The following TESC variants were observed in gnomAD, a reference collection of about 807,000 sequenced individuals.
TESC encodes calcineurin B homologous protein 3.
In TESC, 19 loss-of-function variants were observed where a neutral mutation model predicts 31.0. The observed-to-expected ratio is 0.61, with a 90% CI of 0.43 to 0.90. TESC has a LOEUF of 0.90. Among genes scored for constraint, TESC ranks in the 40% least tolerant of loss-of-function variants. TESC has a pLI of 0.00. For missense variants in TESC, 248 were observed against 303.8 expected (o/e 0.82, Z 1.36); for synonymous variants, 109 against 114.8 (o/e 0.95, Z 0.32).
intron 3 of TESC, among the ~76,000 whole-genome samples, chr12:117,055,176 C>A (rs1954702652): frequency 1.3e-5 from 2 of 152,188 alleles, no homozygotes; most frequent in Admixed American, 1.3e-4. Flanking sequence ...GAATCTCATT[C>A]CGTTGCCCAG....
intron 1 of TESC, among the ~76,000 whole-genome samples, chr12:117,096,256 T>G (rs1955393762): frequency 6.6e-6 from 1 of 152,302 alleles, no homozygotes; most frequent in East Asian, 1.9e-4. Context: ...TCAGCAGCCC[T>G]GTGGGCTCAG....
At chr12:117,040,153 A>C (rs1001779784) in intron 7 of TESC, among the ~76,000 whole-genome samples, 7 of 152,238 alleles carry the variant, frequency 4.6e-5, no homozygotes, top group Admixed American at 3.3e-4. Flanking sequence ...AGGCCTTGGG[A>C]CATTTCCGGC....
intron 2 of TESC, among the ~76,000 whole-genome samples, chr12:117,066,239 C>T (rs1356774732): frequency 9.8e-6 from 1 of 102,344 alleles, no homozygotes; most frequent in Admixed American, 9.9e-5. Flanking sequence ...CAGGGCTTCA[C>T]TCTATCGCCC....
intron 1 of TESC, among the ~76,000 whole-genome samples, chr12:117,093,349 G>T (rs1955341457): frequency 1.3e-5 from 2 of 152,262 alleles, no homozygotes; most frequent in Non-Finnish European, 2.9e-5. Flanking sequence ...AGCCACGCTT[G>T]GCTACGCCAG....
intron 2 of TESC, among the ~76,000 whole-genome samples, chr12:117,072,363 G>A (rs1004830666): frequency 3.9e-5 from 6 of 152,226 alleles, no homozygotes; most frequent in South Asian, 4.1e-4. Context: ...GATTATAGTC[G>A]TGAGTCACAG....
chr12:117,040,767 G>C (rs559378628), intron 7 of TESC, among the ~76,000 whole-genome samples: 1 of 152,276 alleles, frequency 6.6e-6, no homozygotes, highest in African/African-American at 2.4e-5. Flanking sequence ...TCACAGCCAG[G>C]CCCTGCTGCC....
Position 117,099,391 on chromosome 12 carries a change from G to A in TESC, c.-109C>T, listed in dbSNP as rs1415405235. On this transcript the variant is annotated 5_prime_UTR_variant, in exon 1 of 8. Transcript: ENST00000335209. ...GGGTCCGGCCTCGGGTCGGGACGCC[G>A]GCGAAGGCTCGGAGCCGCGGGTTCC... The A allele has an allele frequency of 6.1e-6, 7 of 1,139,852 alleles. No homozygotes were observed. Among genetic ancestry groups the A allele is most frequent in the African/African-American group, 1.6e-5 (1 of 61,250 alleles). 70.6% of individuals were successfully genotyped at this position (1,139,852 alleles called of 1,614,324 possible).
At chr12:117,046,897 C>T (rs1954575279) in intron 4 of TESC, 59 bp from the exon 5 acceptor site, 31 of 1,512,108 alleles carry the variant, frequency 2.1e-5, no homozygotes, top group Non-Finnish European at 2.8e-5. Flanking sequence ...CTGCCACCCC[C>T]TGAAATGTAC....
At chr12:117,063,345 C>T (rs73203865) in intron 2 of TESC, among the ~76,000 whole-genome samples, 3,985 of 152,238 alleles carry the variant, frequency 0.026, 80 homozygotes, top group Non-Finnish European at 0.046. Context: ...CACCCAGCCC[C>T]CAGCCCTCAG....
At chr12:117,091,866 T>C (rs1042349333) in intron 1 of TESC, among the ~76,000 whole-genome samples, 6 of 152,088 alleles carry the variant, frequency 3.9e-5, no homozygotes, top group African/African-American at 9.7e-5. Context: ...GGTTGTGGGG[T>C]AACAGCATGG....
chr12:117,094,116 C>T (rs941740629), intron 1 of TESC, among the ~76,000 whole-genome samples: 1 of 152,202 alleles, frequency 6.6e-6, no homozygotes, highest in Non-Finnish European at 1.5e-5. Context: ...CTCAATCACA[C>T]CCCCGGGACG....
intron 1 of TESC, among the ~76,000 whole-genome samples, chr12:117,098,944 G>A (rs1460501995): frequency 1.3e-5 from 2 of 152,086 alleles, no homozygotes; most frequent in Non-Finnish European, 2.9e-5. Context: ...CGCTTGGGAA[G>A]CCTGGGCCCC....
intron 1 of TESC, among the ~76,000 whole-genome samples, chr12:117,084,563 C>A (rs557383248): frequency 2.6e-5 from 4 of 152,208 alleles, no homozygotes; most frequent in Non-Finnish European, 5.9e-5. Context: ...GCTGTGGGGA[C>A]CTGCTTGCAG....
At chr12:117,057,814 G>A (rs1954746927) in intron 2 of TESC, among the ~76,000 whole-genome samples, 1 of 152,170 alleles carries the variant, frequency 6.6e-6, no homozygotes, top group South Asian at 2.1e-4. Context: ...CGCCCAGGCT[G>A]GAGTGCAGTG....
intron 1 of TESC, among the ~76,000 whole-genome samples, chr12:117,080,445 G>A (rs1027503197): frequency 6.6e-6 from 1 of 152,104 alleles, no homozygotes. Flanking sequence ...TCCAGCCTGG[G>A]TGATGGAAAA....
At chr12:117,056,701 C>G (rs1044555502) in intron 3 of TESC, 105 bp downstream of exon 3, 8 of 1,307,324 alleles carry the variant, frequency 6.1e-6, no homozygotes, top group African/African-American at 1.5e-5. Context: ...TTGGCCCCCT[C>G]TTCTGGGCAT....
intron 7 of TESC, 147 bp downstream of exon 7, chr12:117,041,800 C>G: frequency 1.4e-6 from 1 of 694,772 alleles, no homozygotes; most frequent in Non-Finnish European, 2.3e-6. Context: ...AAGGCCATGC[C>G]CAGGTTGACC....
intron 2 of TESC, among the ~76,000 whole-genome samples, chr12:117,058,890 C>A (rs1593002450): frequency 6.6e-6 from 1 of 152,192 alleles, no homozygotes; most frequent in Non-Finnish European, 1.5e-5. Flanking sequence ...CACTCCCTCA[C>A]CTGCCTGCCC....
chr12:117,056,013 C>T (rs541881638), intron 3 of TESC, among the ~76,000 whole-genome samples: 7 of 151,596 alleles, frequency 4.6e-5, no homozygotes, highest in East Asian at 3.9e-4. Context: ...GTCCGCCTCC[C>T]GGGTTCAAGA....
Sources: allele counts gnomAD v4.1 joint callset (sites outside exome capture counted in the v4.1 genomes callset), GRCh38; gene constraint gnomAD v4.1.1; transcripts MANE v1.5; gene names NCBI Gene and HGNC (gene_info 2026-07-23, HGNC 2026-07-21).